FOXP1: variants seen among roughly 807,000 people sequenced by gnomAD.
FOXP1 encodes the protein forkhead box P1.
In FOXP1, 15 loss-of-function variants were observed where a neutral mutation model predicts 98.2. The observed-to-expected ratio is 0.15, with a 90% CI of 0.10 to 0.24. The LOEUF (loss-of-function observed/expected upper bound fraction) is 0.24. FOXP1 is among the 10% of genes least tolerant of loss of function. FOXP1 has a pLI of 1.00. For synonymous variants in FOXP1, 371 were observed against 314.5 expected, an observed-to-expected ratio of 1.18 and a Z score of -1.90; for missense variants, 633 against 848.5, an observed-to-expected ratio of 0.75 and a Z score of 3.15.
At chr3:70,991,486 A>G (rs1274761982) in intron 13 of FOXP1, among the ~76,000 whole-genome samples, 1 of 152,174 alleles carries the variant, frequency 6.6e-6, no homozygotes, top group Non-Finnish European at 1.5e-5. Flanking sequence ...TCTTAAACTC[A>G]TTATTTTAAC....
Position 71,075,662 on chromosome 3 carries a change from G to A in FOXP1, c.283-21889C>T, listed in dbSNP as rs547554934. ...AGTTCATCACTTGCATGTGGTGAAG[G>A]AGTATGGTGATTTGCTAAACACTGA... is the stretch of plus-strand genomic sequence containing the variant. On this transcript the variant is annotated intron_variant, in intron 7 of 20. Coordinates refer to ENST00000649528, the MANE Select transcript of FOXP1 (RefSeq NM_001349338.3). Among the ~76,000 whole-genome samples, 11 of 152,156 alleles carry A rather than the reference G, an allele frequency of 7.2e-5. No individual in the cohort carries two copies. In the East Asian group the frequency reaches 2.1e-3, roughly 29 times the overall value.
intron 5 of FOXP1, among the ~76,000 whole-genome samples, chr3:71,268,866 T>C (rs949383902): frequency 1.3e-5 from 2 of 152,196 alleles, no homozygotes; most frequent in Non-Finnish European, 2.9e-5. Flanking sequence ...GAGAGCTTCC[T>C]GTGCCCACTG....
intron 6 of FOXP1, among the ~76,000 whole-genome samples, chr3:71,195,483 G>A (rs1285330300): frequency 6.6e-6 from 1 of 152,124 alleles, no homozygotes; most frequent in African/African-American, 2.4e-5. Flanking sequence ...TAATTAACTC[G>A]TTTTTATACC....
At chr3:71,324,496 C>T (rs1297518435) in intron 4 of FOXP1, among the ~76,000 whole-genome samples, 1 of 152,054 alleles carries the variant, frequency 6.6e-6, no homozygotes, top group Non-Finnish European at 1.5e-5. Context: ...AATCATCATT[C>T]TGAACAAATT....
chr3:71,193,124 TTTG>T (rs539003963), intron 6 of FOXP1, among the ~76,000 whole-genome samples: 31 of 151,426 alleles, frequency 2.0e-4, no homozygotes, highest in African/African-American at 3.9e-4. Context: ...ATCCCCTTTG[TTTG>T]TTGTTGTTGT....
At chr3:71,021,782 G>A (rs1315014575) in intron 11 of FOXP1, among the ~76,000 whole-genome samples, 1 of 152,190 alleles carries the variant, frequency 6.6e-6, no homozygotes, top group Non-Finnish European at 1.5e-5. Flanking sequence ...TAATGAGGCT[G>A]CACATATTTT....
chr3:71,395,100 C>CAAAAAAAAA (rs10543398), intron 3 of FOXP1, among the ~76,000 whole-genome samples: 1 of 63,808 alleles, frequency 1.6e-5, no homozygotes, highest in African/African-American at 6.3e-5. Context: ...AACCCCGTCA[C>CAAAAAAAAA]AAAAAAAAAA....
At chr3:71,195,029 G>A (rs1250956823) in intron 6 of FOXP1, among the ~76,000 whole-genome samples, 1 of 152,204 alleles carries the variant, frequency 6.6e-6, no homozygotes, top group Non-Finnish European at 1.5e-5. Flanking sequence ...TGGTGGGAAC[G>A]AGAGCAGGCT....
At position 71,475,865 on chromosome 3, in the gene FOXP1, T is replaced by C. The variant is rs2089785976; in HGVS notation, c.-168+17561A>G. On this transcript the variant is annotated intron_variant, in intron 3 of 20. Coordinates refer to ENST00000649528, the MANE Select transcript of FOXP1 (RefSeq NM_001349338.3). ...TCAAAAAATAAAAATAAAAATAAAA[T>C]ATAAAAATGATGTATTTTCCTACTA... Among the ~76,000 whole-genome samples, 3 of 131,212 alleles carry C rather than the reference T, an allele frequency of 2.3e-5. No individual in the cohort carries two copies. The South Asian group carries it at 7.3e-4, about 32-fold the overall frequency. 86.1% of individuals were successfully genotyped at this position (131,212 alleles called of 152,430 possible). A position where few individuals can be genotyped will look rare whatever the true frequency, so the allele number is the denominator to read the frequency against.
chr3:71,015,997 CTGTACT>C (rs1381336439), intron 11 of FOXP1, among the ~76,000 whole-genome samples: 2 of 152,084 alleles, frequency 1.3e-5, no homozygotes, highest in East Asian at 1.9e-4. Flanking sequence ...ATTATAAAAT[CTGTACT>C]TGATTTTGAG....
intron 3 of FOXP1, among the ~76,000 whole-genome samples, chr3:71,395,503 A>G (rs1054908329): frequency 1.3e-5 from 2 of 150,408 alleles, no homozygotes; most frequent in Admixed American, 6.6e-5. Context: ...CTCAAAAGTC[A>G]CCTCCTCTGA....
intron 3 of FOXP1, among the ~76,000 whole-genome samples, chr3:71,388,863 C>T (rs2108105223): frequency 6.6e-6 from 1 of 152,090 alleles, no homozygotes; most frequent in Non-Finnish European, 1.5e-5. Flanking sequence ...ATGTTCTGAC[C>T]CTAAATCTAA....
At chr3:71,536,523 CATAA>C (rs1164600574) in intron 2 of FOXP1, among the ~76,000 whole-genome samples, 4 of 149,602 alleles carry the variant, frequency 2.7e-5, no homozygotes, top group Non-Finnish European at 5.9e-5. Context: ...CATTATGAGT[CATAA>C]ATAAAGAGCT....
chr3:71,305,492 G>A (rs760870681), intron 4 of FOXP1, among the ~76,000 whole-genome samples: 1 of 152,150 alleles, frequency 6.6e-6, no homozygotes, highest in South Asian at 2.1e-4. Flanking sequence ...ACCCTGGCCC[G>A]GGTATAGACA....
chr3:71,391,837 GCT>G (rs1033051123), intron 3 of FOXP1, among the ~76,000 whole-genome samples: 87 of 152,262 alleles, frequency 5.7e-4, no homozygotes, highest in African/African-American at 2.0e-3. Context: ...GGGATCTGCT[GCT>G]CTCTCTCTGT....
At chr3:71,278,665 C>T (rs1292052320) in intron 5 of FOXP1, among the ~76,000 whole-genome samples, 1 of 152,148 alleles carries the variant, frequency 6.6e-6, no homozygotes, top group Non-Finnish European at 1.5e-5. Context: ...CCTGTAATCA[C>T]AGCTATGCAG....
rs553729187 is a variant in FOXP1, at chr3:71,328,517, G to A, written c.-72-28637C>T. ...CAAAGAGGGACTTCATGCCTCAGAG[G>A]AACACAATGTGTGACTTTTCTGGGC... On this transcript the variant is annotated intron_variant, in intron 4 of 20. Coordinates refer to ENST00000649528, the MANE Select transcript of FOXP1 (RefSeq NM_001349338.3). Among the ~76,000 whole-genome samples the A allele has an allele frequency of 9.8e-5, 15 of 152,306 alleles. No individual in the cohort carries two copies. In the South Asian group the frequency reaches 2.3e-3, roughly 23 times the overall value.
rs1325980806 is a variant in FOXP1 at position 71,210,957 on chromosome 3, G to A, written c.-11-12565C>T. The A allele has an allele frequency of 2.6e-5, 4 of 152,120 alleles. 1 individual carries two copies. The highest frequency in any genetic ancestry group is 9.7e-5 in the African/African-American group (4 of 41,410). 9.4% of individuals were successfully genotyped at this position (152,120 alleles called of 1,614,324 possible). On this transcript the variant is annotated intron_variant, in intron 5 of 20. Transcript: ENST00000649528. Reference sequence around the variant, plus strand: ...ATATTAGTAAAGGATTATAAACATAGTTGACAATTCTAAATGGTAATCCAA... The same window carrying A: ...ATATTAGTAAAGGATTATAAACATAATTGACAATTCTAAATGGTAATCCAA...
chr3:71,094,649 T>C lies in FOXP1; in HGVS notation c.282+17887A>G, dbSNP rs187288161. 1.3e-4 allele frequency among the ~76,000 whole-genome samples: 20 copies of C among 152,252 alleles called. No homozygotes were observed. In the East Asian group the frequency reaches 3.7e-3, roughly 28 times the overall value. The stretch of plus-strand genomic sequence containing the variant: ...CTAAAAGTTTCAGGTCACAGAGTCA[T>C]AGAGATATCCTGAATCTAACAGAAA... On this transcript the variant is annotated intron_variant, in intron 7 of 20. Coordinates refer to ENST00000649528, the MANE Select transcript of FOXP1 (RefSeq NM_001349338.3).
Sources: gnomAD v4.1 joint callset for allele counts (sites outside exome capture counted in the v4.1 genomes callset) on GRCh38, gnomAD v4.1.1 for gene constraint, MANE v1.5 for transcripts, NCBI Gene and HGNC (gene_info 2026-07-23, HGNC 2026-07-21) for gene names.